The following PLEKHA1 variants were observed in gnomAD, a reference collection of about 807,000 sequenced individuals.
The protein encoded by PLEKHA1 is pleckstrin homology domain-containing family A member 1.
PLEKHA1 carries 34 observed loss-of-function variants against 52.0 expected under a neutral mutation model. The observed-to-expected ratio is 0.65, with a 90% confidence interval of 0.50 to 0.87. The LOEUF (loss-of-function observed/expected upper bound fraction) is 0.87. Among genes scored for constraint, PLEKHA1 ranks in the 40% least tolerant of loss-of-function variants. PLEKHA1 has a pLI of 0.00. For missense variants in PLEKHA1, 497 were observed against 504.2 expected (o/e 0.99, Z 0.14); for synonymous variants, 163 against 170.7 (o/e 0.95, Z 0.35).
In PLEKHA1 at chr10:122,388,342, C is replaced by T. The variant is rs113499943; in HGVS notation, c.-20-4839C>T. 8.2e-3 allele frequency among the ~76,000 whole-genome samples: 1,248 copies of T among 152,288 alleles called. 21 individuals are homozygous for T. Among genetic ancestry groups the T allele is most frequent in the African/African-American group, 0.028 (1,153 of 41,558 alleles). On this transcript the variant is annotated intron_variant, in intron 1 of 11. Transcript: ENST00000368990. ...TAGTAGCATGTATCAGTACTTCATT[C>T]CTTTTTATGTCTGAAAAATATTCCA... is the stretch of plus-strand genomic sequence containing the variant.
chr10:122,394,730 C>A (rs913008593), intron 2 of PLEKHA1, among the ~76,000 whole-genome samples: 1 of 152,064 alleles, frequency 6.6e-6, no homozygotes, highest in African/African-American at 2.4e-5. Context: ...CTCTCCTCAC[C>A]CATATGAGCC....
chr10:122,403,967 C>G (rs557117598), intron 4 of PLEKHA1, among the ~76,000 whole-genome samples: 24 of 152,322 alleles, frequency 1.6e-4, no homozygotes, highest in African/African-American at 5.5e-4. Context: ...GCTGGGATTA[C>G]AGGCGTGAGC....
chr10:122,442,526 A>G, the PLEKHA1 span: 47 of 152,308 alleles, frequency 3.1e-4, no homozygotes, highest in East Asian at 8.3e-3. Flanking sequence ...TTGTGTGTGT[A>G]AAAATCTGTA....
At chr10:122,377,776 C>T (rs2133501526) in intron 1 of PLEKHA1, among the ~76,000 whole-genome samples, 1 of 152,198 alleles carries the variant, frequency 6.6e-6, no homozygotes, top group African/African-American at 2.4e-5. Flanking sequence ...GTTTGTGATT[C>T]CTAGAAGATG....
At chr10:122,435,560 A>T (rs2097434823), downstream of PLEKHA1, 1 of 152,236 alleles carries the variant, frequency 6.6e-6, no homozygotes, top group African/African-American at 2.4e-5. Flanking sequence ...TCAAACTAAC[A>T]TTTACAAATT....
chr10:122,441,730 T>A, the PLEKHA1 span: 1 of 152,294 alleles, frequency 6.6e-6, no homozygotes, highest in African/African-American at 2.4e-5. Flanking sequence ...TATTTGATGG[T>A]CTTCCATATA....
At chr10:122,436,224 TC>T (rs1488420307), downstream of PLEKHA1, 1 of 152,124 alleles carries the variant, frequency 6.6e-6, no homozygotes, top group African/African-American at 2.4e-5. Flanking sequence ...AAATAGTACT[TC>T]CAGATTACTA....
intron 11 of PLEKHA1, 124 bp from the exon 12 acceptor site, chr10:122,429,494 TTGTGTG>T (rs35620141): frequency 0.38 from 249,980 of 653,542 alleles, 27,139 homozygotes; most frequent in Admixed American, 0.48. Context: ...GCTGCTGCCT[TTGTGTG>T]TGTGTGTGTG....
chr10:122,379,950 A>T (rs2096591849), intron 1 of PLEKHA1, among the ~76,000 whole-genome samples: 2 of 152,190 alleles, frequency 1.3e-5, no homozygotes, highest in African/African-American at 2.4e-5. Context: ...ACTGATTTGT[A>T]AGATCTAACT....
chr10:122,420,964 T>C (rs1308310965), intron 8 of PLEKHA1: 3 of 152,150 alleles, frequency 2.0e-5, no homozygotes, highest in Admixed American at 6.5e-5. Context: ...TTAAGGATAA[T>C]AGAAGCCAAA....
chr10:122,403,034 T>C (rs948146156), intron 4 of PLEKHA1, among the ~76,000 whole-genome samples: 1 of 152,190 alleles, frequency 6.6e-6, no homozygotes, highest in African/African-American at 2.4e-5. Flanking sequence ...CCTACGACAA[T>C]GCAAGAGAGC....
chr10:122,441,807 T>A, the PLEKHA1 span: 1 of 152,236 alleles, frequency 6.6e-6, no homozygotes, highest in Non-Finnish European at 1.5e-5. Flanking sequence ...AACTCTGAGC[T>A]TTCTGGCAAC....
intron 8 of PLEKHA1, chr10:122,418,405 C>CT (rs1351318273): frequency 6.4e-6 from 1 of 155,142 alleles, no homozygotes; most frequent in African/African-American, 2.4e-5. Context: ...AGAAACAATA[C>CT]TTTTTGGTGA....
At chr10:122,385,834 G>A (rs1329604424) in intron 1 of PLEKHA1, among the ~76,000 whole-genome samples, 2 of 152,132 alleles carry the variant, frequency 1.3e-5, no homozygotes, top group Admixed American at 1.3e-4. Context: ...ATTTTGCCAA[G>A]TAATATTTTA....
chr10:122,429,492 CTTTGTG>C (rs2097392681), intron 11 of PLEKHA1, 126 bp from the exon 12 acceptor site: 1 of 725,362 alleles, frequency 1.4e-6, no homozygotes, highest in East Asian at 2.9e-5. Context: ...CTGCTGCTGC[CTTTGTG>C]TGTGTGTGTG....
chr10:122,400,339 T>C lies in PLEKHA1; in HGVS notation c.199-4T>C, dbSNP rs775749313. The C allele has an allele frequency of 1.2e-6, 2 of 1,601,508 alleles. No individual in the cohort carries two copies. The highest frequency in any genetic ancestry group is 1.8e-5 in the Admixed American group (1 of 57,108). On this transcript the variant is annotated splice_region_variant and splice_polypyrimidine_tract_variant and intron_variant, in intron 3 of 11. Transcript: ENST00000368990. ...GAGGAACCCGTCTCTATTTTTCTTT[T>C]TAGGTTAGCGATGCTACTAAGCTAA...
At chr10:122,398,175 A>G (rs976587980) in intron 3 of PLEKHA1, among the ~76,000 whole-genome samples, 1 of 152,136 alleles carries the variant, frequency 6.6e-6, no homozygotes, top group Non-Finnish European at 1.5e-5. Context: ...AACTTACAGG[A>G]TGTGGCAAAT....
chr10:122,384,709 T>C (rs1354757798), intron 1 of PLEKHA1, among the ~76,000 whole-genome samples: 2 of 152,122 alleles, frequency 1.3e-5, no homozygotes, highest in Non-Finnish European at 2.9e-5. Context: ...TCCCAGCACT[T>C]TGGGAGGCCA....
chr10:122,412,071 T>C (rs539665464), intron 5 of PLEKHA1: 1 of 152,310 alleles, frequency 6.6e-6, no homozygotes, highest in African/African-American at 2.4e-5. Flanking sequence ...AATGATTAAC[T>C]GAGTACCTTA....
Sources: gnomAD v4.1 joint callset for allele counts (sites outside exome capture counted in the v4.1 genomes callset) on GRCh38, gnomAD v4.1.1 for gene constraint, MANE v1.5 for transcripts, NCBI Gene and HGNC (gene_info 2026-07-23, HGNC 2026-07-21) for gene names.